The following OR3A2 variants were observed in gnomAD, a reference collection of about 807,000 sequenced individuals.
OR3A2 encodes the protein olfactory receptor family 3 subfamily A member 2.
For missense variants in OR3A2, 318 were observed against 392.8 expected, an observed-to-expected ratio of 0.81 and a Z score of 1.61; for synonymous variants, 126 against 159.3, an observed-to-expected ratio of 0.79 and a Z score of 1.57.
intron 3 of OR3A2, among the ~76,000 whole-genome samples, chr17:3,329,393 G>A (rs947351693): frequency 3.4e-4 from 51 of 150,720 alleles, no homozygotes; most frequent in African/African-American, 1.1e-3. Flanking sequence ...TTCAGCTCCC[G>A]TTATTGGTCT....
At chr17:3,278,887 C>G in exon 2 of OR3A2, 1 of 1,517,290 alleles carries the variant, frequency 6.6e-7, no homozygotes. Flanking sequence ...TCAGCAACAG[C>G]GGTCCTATTG....
intron 2 of OR3A2, among the ~76,000 whole-genome samples, chr17:3,359,415 C>T (rs541188232): frequency 6.6e-6 from 1 of 151,696 alleles, no homozygotes; most frequent in East Asian, 1.9e-4. Context: ...TGGCAGTAGT[C>T]TTTCCTTTCT....
intron 2 of OR3A2, among the ~76,000 whole-genome samples, chr17:3,338,242 GTTT>G (rs1376836284): frequency 6.6e-6 from 1 of 152,120 alleles, no homozygotes; most frequent in African/African-American, 2.4e-5. Context: ...TCTGATGGTA[GTTT>G]CTTTTGCTGT....
intron 2 of OR3A2, among the ~76,000 whole-genome samples, chr17:3,339,946 C>G (rs2049303192): frequency 6.6e-6 from 1 of 152,164 alleles, no homozygotes; most frequent in Non-Finnish European, 1.5e-5. Context: ...GCCTCAATTT[C>G]AGAGCCTGTT....
intron 2 of OR3A2, among the ~76,000 whole-genome samples, chr17:3,382,515 G>C (rs2049746087): frequency 6.6e-6 from 1 of 152,238 alleles, no homozygotes; most frequent in South Asian, 2.1e-4. Context: ...AGAGTACTGA[G>C]TTCTGGCATG....
At chr17:3,381,072 G>C (rs1414068319) in intron 2 of OR3A2, among the ~76,000 whole-genome samples, 1 of 151,916 alleles carries the variant, frequency 6.6e-6, no homozygotes, top group Admixed American at 6.6e-5. Flanking sequence ...ATCTCTGTAG[G>C]TGTCTACGTC....
At chr17:3,310,711 C>T in intron 3 of OR3A2, 2 of 546,604 alleles carry the variant, frequency 3.7e-6, no homozygotes, top group Middle Eastern at 6.3e-4. Context: ...CAGTCCCTCA[C>T]CTACAGCAGC....
intron 1 of OR3A2, chr17:3,385,827 G>A (rs1037385910): frequency 1.5e-5 from 6 of 398,130 alleles, no homozygotes; most frequent in African/African-American, 1.0e-4. Context: ...ATATTAAAAT[G>A]TATATCTGGA....
intron 3 of OR3A2, chr17:3,292,152 T>C: frequency 6.2e-7 from 1 of 1,614,102 alleles, no homozygotes; most frequent in Non-Finnish European, 8.5e-7. Context: ...CAACATCCTC[T>C]GGACTGTCTG....
chr17:3,278,476 C>A (rs2048756116), exon 2 of OR3A2: 1 of 1,614,136 alleles, frequency 6.2e-7, no homozygotes, highest in African/African-American at 1.3e-5. Context: ...GACGCAGCCA[C>A]CAACATCCTC....
intron 3 of OR3A2, among the ~76,000 whole-genome samples, chr17:3,295,542 A>G (rs1385534230): frequency 6.6e-6 from 1 of 152,146 alleles, no homozygotes; most frequent in East Asian, 1.9e-4. Context: ...CTATTTCAAA[A>G]CAATAAAAGC....
intron 2 of OR3A2, among the ~76,000 whole-genome samples, chr17:3,349,798 C>A (rs1010309394): frequency 6.6e-6 from 1 of 151,928 alleles, no homozygotes; most frequent in African/African-American, 2.4e-5. Flanking sequence ...CACTCCTCAG[C>A]AAATGTAAAA....
chr17:3,332,451 G>T (rs2049244536), intron 3 of OR3A2, among the ~76,000 whole-genome samples: 1 of 152,232 alleles, frequency 6.6e-6, no homozygotes, highest in Admixed American at 6.5e-5. Flanking sequence ...TCGGGTGGGA[G>T]TGACCTGATT....
chr17:3,362,527 T>C (rs1399911764), intron 2 of OR3A2, among the ~76,000 whole-genome samples: 1 of 151,780 alleles, frequency 6.6e-6, no homozygotes, highest in African/African-American at 2.4e-5. Context: ...CAATTTTAGA[T>C]CTTTCCAGCT....
chr17:3,385,063 G>A (rs145673924), intron 1 of OR3A2, among the ~76,000 whole-genome samples: 2,284 of 152,176 alleles, frequency 0.015, 15 homozygotes, highest in Non-Finnish European at 0.021. Context: ...GCGTGGTGGC[G>A]CATGCCTGTA....
intron 2 of OR3A2, among the ~76,000 whole-genome samples, chr17:3,371,685 C>T (rs1326284700): frequency 2.2e-5 from 3 of 138,472 alleles, no homozygotes; most frequent in Admixed American, 1.4e-4. Flanking sequence ...GGCGGCTGGC[C>T]GGGCGGGGGT....
At chr17:3,315,309 G>A (rs142013646) in intron 3 of OR3A2, among the ~76,000 whole-genome samples, 139 of 152,300 alleles carry the variant, frequency 9.1e-4, no homozygotes, top group South Asian at 2.1e-3. Flanking sequence ...CACCAACAAC[G>A]TAGAAGCGTT....
chr17:3,283,816 G>A (rs1426751770), intron 1 of OR3A2, among the ~76,000 whole-genome samples: 1 of 151,156 alleles, frequency 6.6e-6, no homozygotes, highest in Non-Finnish European at 1.5e-5. Context: ...TCATGGTCAG[G>A]GGTAGAAGAA....
intron 2 of OR3A2, among the ~76,000 whole-genome samples, chr17:3,361,906 G>A (rs149792625): frequency 1.2e-3 from 175 of 150,060 alleles, no homozygotes; most frequent in Middle Eastern, 3.5e-3. Flanking sequence ...GCCCGGCTTT[G>A]GTATCAGGAT....
Sources: allele counts gnomAD v4.1 joint callset (sites outside exome capture counted in the v4.1 genomes callset), GRCh38; gene constraint gnomAD v4.1.1; transcripts MANE v1.5; gene names NCBI Gene and HGNC (gene_info 2026-07-23, HGNC 2026-07-21).